The following C10orf67 variants were observed in gnomAD, a reference collection of about 807,000 sequenced individuals.
C10orf67 encodes the protein chromosome 10 open reading frame 67.
C10orf67 carries 60 observed loss-of-function variants against 35.6 expected under a neutral mutation model. That is an observed-to-expected ratio of 1.68 (90% CI 1.37 to 2.09). The LOEUF (loss-of-function observed/expected upper bound fraction) is 2.09. Ranked by LOEUF, C10orf67 falls within the 30% of genes most tolerant of loss-of-function variation. C10orf67 has a pLI of 0.00. For missense variants in C10orf67, 474 were observed against 330.2 expected, an observed-to-expected ratio of 1.44 and a Z score of -3.38; for synonymous variants, 167 against 115.8, an observed-to-expected ratio of 1.44 and a Z score of -2.84.
At chr10:23,244,512 G>A (rs1842265496) in intron 12 of C10orf67, among the ~76,000 whole-genome samples, 1 of 151,960 alleles carries the variant, frequency 6.6e-6, no homozygotes, top group South Asian at 2.1e-4. Flanking sequence ...TAAAGTTACA[G>A]GATACAAAAT....
chr10:23,284,533 TA>T lies in C10orf67; in HGVS notation c.910-2456del, dbSNP rs60985372. Among the ~76,000 whole-genome samples the T allele has an allele frequency of 5.3e-3, 786 of 148,276 alleles. 14 individuals are homozygous for T. The highest frequency in any genetic ancestry group is 0.051 in the East Asian group (256 of 5,042). On this transcript the variant is annotated intron_variant, in intron 7 of 15. Transcript: ENST00000636213. The stretch of plus-strand genomic sequence containing the variant: ...GACCATCTCCACAAAAAAAAAAAAT[TA>T]AAAAAAAAATTTAGCCATGTGTGGT...
chr10:23,266,287 T>C lies in C10orf67; in HGVS notation c.1175A>G (p.Lys392Arg). Residue 392 changes from lysine to arginine, a missense_variant, in exon 10 of 16, where the codon AAG becomes AGG. Lys to Arg is a conservative substitution (Grantham distance 26). Transcript: ENST00000636213. ...CACAGCTTGGTCTTCCTTTAAAGCC[T>C]TCTTTGGCATTTTAGCTTTCTGGGC... is the stretch of plus-strand genomic sequence containing the variant. ...AGAQKAKMPK[K>R]ALKEDQAVVE... 1 of 398,598 alleles carries C rather than the reference T, an allele frequency of 2.5e-6. No individual in the cohort carries two copies. Among genetic ancestry groups the C allele is most frequent in the African/African-American group, 2.1e-5 (1 of 48,726 alleles). The allele number at this position is 398,598 out of a possible 1,614,324, so 24.7% of individuals were successfully genotyped here. A position where few individuals can be genotyped will look rare whatever the true frequency, so the allele number is the denominator to read the frequency against.
At chr10:23,267,165 A>AAG (rs1215031537) in intron 9 of C10orf67, 30 bp downstream of exon 9, 2 of 703,394 alleles carry the variant, frequency 2.8e-6, no homozygotes, top group East Asian at 2.7e-5. Flanking sequence ...ATAAAAGAGA[A>AAG]AGAGAGAGAG....
At chr10:23,244,034 G>A (rs1194132396) in intron 12 of C10orf67, among the ~76,000 whole-genome samples, 1 of 152,132 alleles carries the variant, frequency 6.6e-6, no homozygotes, top group African/African-American at 2.4e-5. Context: ...TGGGACCACA[G>A]GTGCATGCCA....
At position 23,266,307 on chromosome 10, in the gene C10orf67, C is replaced by T. The variant is rs905714081; in HGVS notation, c.1155G>A (p.Gln385=). 1.8e-5 allele frequency: 7 copies of T among 398,534 alleles called. No homozygotes were observed. The highest frequency in any genetic ancestry group is 3.1e-5 in the Non-Finnish European group (7 of 226,118). 24.7% of individuals were successfully genotyped at this position (398,534 alleles called of 1,614,324 possible). The change falls in exon 10 of 16, where the codon CAG becomes CAA. Residue 385 remains glutamine, a synonymous_variant. Transcript: ENST00000636213. The part of the protein sequence containing the change: ...ATMSVSSAGA[Q]KAKMPKKALK... Reference sequence around the variant, plus strand: ...AAGCCTTCTTTGGCATTTTAGCTTTCTGGGCCCCAGCAGATGATACACTCA... The same window carrying T: ...AAGCCTTCTTTGGCATTTTAGCTTTTTGGGCCCCAGCAGATGATACACTCA...
chr10:23,292,383 T>C (rs769658827), intron 5 of C10orf67, among the ~76,000 whole-genome samples: 9 of 152,074 alleles, frequency 5.9e-5, no homozygotes, highest in Non-Finnish European at 8.8e-5. Flanking sequence ...CCAAAGGAGA[T>C]AGAAGATTCT....
intron 10 of C10orf67, among the ~76,000 whole-genome samples, chr10:23,255,574 T>C (rs1272490606): frequency 2.0e-5 from 3 of 152,142 alleles, no homozygotes; most frequent in Non-Finnish European, 2.9e-5. Context: ...TGTGTTCATG[T>C]AGGAAGTCAT....
At chr10:23,249,763 G>A (rs1325859250) in intron 12 of C10orf67, among the ~76,000 whole-genome samples, 3 of 152,244 alleles carry the variant, frequency 2.0e-5, no homozygotes, top group East Asian at 1.9e-4. Context: ...TAAACCCATC[G>A]TGCCTGGATG....
intron 15 of C10orf67, among the ~76,000 whole-genome samples, chr10:23,220,774 G>T (rs1841554820): frequency 6.6e-6 from 1 of 152,122 alleles, no homozygotes. Flanking sequence ...AAACGTGAAA[G>T]GCATTTAGAA....
chr10:23,341,974 C>A (rs1272048867), intron 1 of C10orf67, among the ~76,000 whole-genome samples: 1 of 152,078 alleles, frequency 6.6e-6, no homozygotes, highest in African/African-American at 2.4e-5. Context: ...GAGTTTGAGA[C>A]CAGCCTGGGC....
At chr10:23,268,140 T>A (rs928913076) in intron 8 of C10orf67, among the ~76,000 whole-genome samples, 1 of 151,746 alleles carries the variant, frequency 6.6e-6, no homozygotes, top group Non-Finnish European at 1.5e-5. Context: ...AATAAAAAAA[T>A]AAAAATTACC....
intron 12 of C10orf67, among the ~76,000 whole-genome samples, chr10:23,244,006 C>T (rs1325530706): frequency 6.6e-6 from 1 of 152,174 alleles, no homozygotes; most frequent in Non-Finnish European, 1.5e-5. Flanking sequence ...ATCTTCCTGC[C>T]TCAGCCTCCC....
intron 8 of C10orf67, among the ~76,000 whole-genome samples, chr10:23,269,522 T>C (rs1469354849): frequency 6.6e-6 from 1 of 151,996 alleles, no homozygotes; most frequent in Non-Finnish European, 1.5e-5. Flanking sequence ...AATAACGAAA[T>C]AGTAGACCTT....
At chr10:23,255,932 A>G (rs905166213) in intron 10 of C10orf67, among the ~76,000 whole-genome samples, 1 of 152,060 alleles carries the variant, frequency 6.6e-6, no homozygotes, top group Non-Finnish European at 1.5e-5. Flanking sequence ...GGGTGGCAGG[A>G]TTTTCTTAAA....
intron 13 of C10orf67, among the ~76,000 whole-genome samples, chr10:23,233,453 T>C (rs1033294553): frequency 3.3e-5 from 5 of 152,134 alleles, no homozygotes; most frequent in African/African-American, 1.2e-4. Flanking sequence ...GTCCAGTTTA[T>C]AAGAAATAAA....
At chr10:23,326,764 T>C (rs1442622548) in intron 2 of C10orf67, among the ~76,000 whole-genome samples, 1 of 152,132 alleles carries the variant, frequency 6.6e-6, no homozygotes, top group Non-Finnish European at 1.5e-5. Context: ...TTGTGCAATA[T>C]TAATGCTAAG....
chr10:23,237,812 G>A (rs1459699313), intron 13 of C10orf67, among the ~76,000 whole-genome samples: 1 of 152,198 alleles, frequency 6.6e-6, no homozygotes, highest in African/African-American at 2.4e-5. Flanking sequence ...AAAGGGACAT[G>A]AGGGAGCTTG....
rs559308058 is a variant in C10orf67, at chr10:23,309,236, G to A, written c.547-5777C>T. Among the ~76,000 whole-genome samples the A allele has an allele frequency of 1.2e-4, 18 of 152,200 alleles. No homozygotes were observed. In the South Asian group the frequency reaches 3.3e-3, roughly 28 times the overall value. ...TAAAAAGAATGAAATCATGTCCTTT[G>A]CAGTAACATGAATGGAGCTGGAGGC... is the stretch of plus-strand genomic sequence containing the variant. On this transcript the variant is annotated intron_variant, in intron 4 of 15. Coordinates refer to ENST00000636213, the MANE Select transcript of C10orf67 (RefSeq NM_001371909.1).
chr10:23,218,032 T>C lies in C10orf67; in HGVS notation c.1570+5566A>G, dbSNP rs574945481. ...AGCTTCAGTTACAGAGAGAGCCTCT[T>C]ATTTTTGTCATCACTTCTCTAATCC... On this transcript the variant is annotated intron_variant, in intron 15 of 15. Coordinates refer to ENST00000636213, the MANE Select transcript of C10orf67 (RefSeq NM_001371909.1). Among the ~76,000 whole-genome samples the C allele has an allele frequency of 2.6e-5, 4 of 152,342 alleles. No individual in the cohort carries two copies. The South Asian group carries it at 8.3e-4, about 32-fold the overall frequency.
Sources: allele counts gnomAD v4.1 joint callset (sites outside exome capture counted in the v4.1 genomes callset), GRCh38; gene constraint gnomAD v4.1.1; transcripts MANE v1.5; gene names NCBI Gene and HGNC (gene_info 2026-07-23, HGNC 2026-07-21).